LGSN: variants seen among roughly 807,000 people sequenced by gnomAD.
LGSN encodes lengsin, lens protein with glutamine synthetase domain, also known as lengsin.
In LGSN, 21 loss-of-function variants were observed where a neutral mutation model predicts 19.5. The observed-to-expected ratio is 1.07, with a 90% confidence interval of 0.76 to 1.55. LGSN has a LOEUF of 1.55. LGSN is among the 40% of genes most tolerant of loss of function. The probability of loss-of-function intolerance (pLI) is 0.00; values close to 1 mark genes in which losing one functional copy is unlikely to be tolerated. For synonymous variants in LGSN, 257 were observed against 215.6 expected (o/e 1.19, Z -1.68); for missense variants, 673 against 608.5 (o/e 1.11, Z -1.12).
the LGSN span, among the ~76,000 whole-genome samples, chr6:63,385,534 G>A: frequency 6.6e-6 from 1 of 152,210 alleles, no homozygotes; most frequent in Non-Finnish European, 1.5e-5. Flanking sequence ...TGTTTCAGCA[G>A]TTGCTCTAGA....
At chr6:63,570,543 G>T in the LGSN span, among the ~76,000 whole-genome samples, 1 of 152,310 alleles carries the variant, frequency 6.6e-6, no homozygotes, top group Non-Finnish European at 1.5e-5. Context: ...GGTAATTACA[G>T]GATCTGTGGA....
At chr6:63,412,710 G>A in the LGSN span, among the ~76,000 whole-genome samples, 34 of 55,402 alleles carry the variant, frequency 6.1e-4, 2 homozygotes, top group African/African-American at 2.8e-3. Context: ...AAAGAAAGAG[G>A]GAAGGAAGGA....
intron 1 of LGSN, among the ~76,000 whole-genome samples, chr6:63,302,769 G>T (rs578255173): frequency 6.6e-6 from 1 of 152,266 alleles, no homozygotes; most frequent in African/African-American, 2.4e-5. Flanking sequence ...GTCGAGTGTG[G>T]ACTCATGGAG....
chr6:63,311,811 C>T (rs1019223406), intron 1 of LGSN, among the ~76,000 whole-genome samples: 1 of 152,142 alleles, frequency 6.6e-6, no homozygotes, highest in Admixed American at 6.6e-5. Flanking sequence ...TAACTGTAGT[C>T]ACCATGTGGT....
the LGSN span, among the ~76,000 whole-genome samples, chr6:63,459,483 G>C: frequency 6.6e-6 from 1 of 151,922 alleles, no homozygotes; most frequent in Non-Finnish European, 1.5e-5. Flanking sequence ...TTGAACTCCT[G>C]CCCTCAAGCA....
the LGSN span, among the ~76,000 whole-genome samples, chr6:63,334,449 T>G: frequency 6.6e-6 from 1 of 152,006 alleles, no homozygotes; most frequent in Non-Finnish European, 1.5e-5. Context: ...CTAATGAAAG[T>G]AATTGAAGAG....
chr6:63,285,341 C>T (rs1767481917), intron 3 of LGSN, among the ~76,000 whole-genome samples: 1 of 152,102 alleles, frequency 6.6e-6, no homozygotes, highest in Admixed American at 6.6e-5. Context: ...ACTAAAATTA[C>T]CAGTCTCAAT....
At chr6:63,459,287 C>G in the LGSN span, among the ~76,000 whole-genome samples, 5 of 152,256 alleles carry the variant, frequency 3.3e-5, no homozygotes, top group African/African-American at 1.2e-4. Context: ...TGTCTATGAA[C>G]TAGGAGAGAC....
At chr6:63,320,103 T>G (rs981802439), upstream of LGSN, 7 of 618,846 alleles carry the variant, frequency 1.1e-5, no homozygotes, top group Non-Finnish European at 2.0e-5. Context: ...AACATCAGAT[T>G]CTGATGTGTC....
the LGSN span, chr6:63,549,339 C>T: frequency 1.1e-5 from 8 of 753,896 alleles, no homozygotes; most frequent in Non-Finnish European, 2.4e-6. Context: ...ATAGTGGGGG[C>T]CATTTCACAA....
At chr6:63,403,457 C>T in the LGSN span, among the ~76,000 whole-genome samples, 1,287 of 152,098 alleles carry the variant, frequency 8.5e-3, 22 homozygotes, top group African/African-American at 0.029. Flanking sequence ...GGACTCAAAA[C>T]AATGTCTTTA....
chr6:63,554,894 T>C, the LGSN span, among the ~76,000 whole-genome samples: 7 of 152,222 alleles, frequency 4.6e-5, no homozygotes, highest in Non-Finnish European at 1.5e-5. Context: ...TCTTAGGCAA[T>C]GCTGGTGTAT....
the LGSN span, among the ~76,000 whole-genome samples, chr6:63,330,726 C>T: frequency 1.3e-5 from 2 of 152,186 alleles, no homozygotes; most frequent in Non-Finnish European, 2.9e-5. Flanking sequence ...AGGATCCATA[C>T]TGGGGATGGC....
At chr6:63,355,597 C>T in the LGSN span, among the ~76,000 whole-genome samples, 3 of 152,196 alleles carry the variant, frequency 2.0e-5, no homozygotes, top group Non-Finnish European at 4.4e-5. Context: ...GAAAATCTTT[C>T]CTGGCCTTTC....
chr6:63,362,318 T>C, the LGSN span, among the ~76,000 whole-genome samples: 1 of 152,214 alleles, frequency 6.6e-6, no homozygotes. Flanking sequence ...GGGTGATTTC[T>C]GCATTTCCAA....
At chr6:63,529,234 A>G in the LGSN span, among the ~76,000 whole-genome samples, 1 of 148,014 alleles carries the variant, frequency 6.8e-6, no homozygotes, top group South Asian at 2.1e-4. Context: ...ACTTTACAGA[A>G]CTTTCATATA....
the LGSN span, among the ~76,000 whole-genome samples, chr6:63,382,993 C>G: frequency 6.6e-6 from 1 of 152,176 alleles, no homozygotes; most frequent in Non-Finnish European, 1.5e-5. Flanking sequence ...GTAAGACCCA[C>G]ATTCTAATTA....
chr6:63,331,724 G>A, the LGSN span, among the ~76,000 whole-genome samples: 3 of 152,260 alleles, frequency 2.0e-5, no homozygotes, highest in Middle Eastern at 6.8e-3. Flanking sequence ...AGAAACATTA[G>A]TTTTCCTCCC....
At chr6:63,425,726 C>T in the LGSN span, among the ~76,000 whole-genome samples, 2 of 151,932 alleles carry the variant, frequency 1.3e-5, no homozygotes, top group Non-Finnish European at 2.9e-5. Flanking sequence ...AAACCCAGCA[C>T]TTTGGGAGGC....
Sources: gnomAD v4.1 joint callset for allele counts (sites outside exome capture counted in the v4.1 genomes callset) on GRCh38, gnomAD v4.1.1 for gene constraint, MANE v1.5 for transcripts, NCBI Gene and HGNC (gene_info 2026-07-23, HGNC 2026-07-21) for gene names.